Variants in SCD5 observed in about 807,000 individuals in gnomAD.
The protein encoded by SCD5 is acyl-CoA-desaturase 4.
SCD5 carries 20 observed loss-of-function variants against 30.4 expected under a neutral mutation model. The ratio of observed to expected loss-of-function variants is 0.66; its 90% confidence interval spans 0.46 to 0.96. The LOEUF (loss-of-function observed/expected upper bound fraction) is 0.96. SCD5 is among the 40% of genes least tolerant of loss of function. The pLI, the probability that SCD5 is intolerant of heterozygous loss-of-function variation, is 0.00. For missense variants in SCD5, 381 were observed against 443.3 expected (o/e 0.86, Z 1.26); for synonymous variants, 173 against 176.4 (o/e 0.98, Z 0.16).
chr4:82,746,834 A>G (rs1720993899), intron 1 of SCD5, among the ~76,000 whole-genome samples: 1 of 152,128 alleles, frequency 6.6e-6, no homozygotes, highest in South Asian at 2.1e-4. Flanking sequence ...GACCCAAGCG[A>G]GAATAGGCAC....
At chr4:82,649,958 C>T (rs1323393838) in intron 3 of SCD5, among the ~76,000 whole-genome samples, 1 of 152,176 alleles carries the variant, frequency 6.6e-6, no homozygotes, top group Non-Finnish European at 1.5e-5. Context: ...CTGCCTCATC[C>T]CGGGAGACAG....
At chr4:82,763,930 CTTGATATCTACT>C (rs1235911814) in intron 1 of SCD5, among the ~76,000 whole-genome samples, 7 of 152,204 alleles carry the variant, frequency 4.6e-5, no homozygotes, top group African/African-American at 1.4e-4. Flanking sequence ...GTTATGTCCT[CTTGATATCTACT>C]TTGATATTAA....
At chr4:82,733,393 T>G (rs1296012391) in intron 1 of SCD5, among the ~76,000 whole-genome samples, 1 of 152,182 alleles carries the variant, frequency 6.6e-6, no homozygotes. Context: ...AGCTTGCTTC[T>G]CCCATGTAGT....
At chr4:82,735,411 T>C (rs563482736) in intron 1 of SCD5, among the ~76,000 whole-genome samples, 5 of 152,306 alleles carry the variant, frequency 3.3e-5, no homozygotes, top group Admixed American at 6.5e-5. Flanking sequence ...TTGCTGGGGA[T>C]AGGCTCTGGC....
chr4:82,701,699 A>G (rs1560537928), intron 2 of SCD5, among the ~76,000 whole-genome samples: 1 of 152,200 alleles, frequency 6.6e-6, no homozygotes, highest in Non-Finnish European at 1.5e-5. Context: ...AATTTAAGCT[A>G]AATCCCTTTA....
chr4:82,723,905 T>C (rs1208581059), intron 1 of SCD5, among the ~76,000 whole-genome samples: 2 of 152,160 alleles, frequency 1.3e-5, no homozygotes, highest in Non-Finnish European at 2.9e-5. Flanking sequence ...AAAAAACAAT[T>C]ATAAAAGATA....
chr4:82,654,672 T>C (rs918828102), intron 3 of SCD5, among the ~76,000 whole-genome samples: 2 of 152,102 alleles, frequency 1.3e-5, no homozygotes, highest in Non-Finnish European at 2.9e-5. Flanking sequence ...GGCAACAACA[T>C]AGATAAAGTC....
chr4:82,771,058 C>T (rs895226954), intron 1 of SCD5, among the ~76,000 whole-genome samples: 6 of 152,200 alleles, frequency 3.9e-5, no homozygotes, highest in African/African-American at 1.2e-4. Context: ...CTCAACCTGC[C>T]TGAGCTCAGG....
At chr4:82,786,151 C>T (rs1721982196) in intron 1 of SCD5, among the ~76,000 whole-genome samples, 1 of 152,132 alleles carries the variant, frequency 6.6e-6, no homozygotes, top group Admixed American at 6.5e-5. Context: ...ACAGCTGTTC[C>T]TTTCAGTTAT....
chr4:82,665,650 C>T (rs937462984), intron 3 of SCD5, among the ~76,000 whole-genome samples: 2 of 151,880 alleles, frequency 1.3e-5, no homozygotes, highest in African/African-American at 4.8e-5. Flanking sequence ...CAAACAAAAG[C>T]TGAGAATTTA....
chr4:82,677,991 C>T (rs185205257), intron 3 of SCD5, among the ~76,000 whole-genome samples: 1 of 152,138 alleles, frequency 6.6e-6, no homozygotes, highest in Non-Finnish European at 1.5e-5. Context: ...GATCCAGAGC[C>T]ATCTCTCTCC....
At chr4:82,780,627 ACTT>A (rs760932667) in intron 1 of SCD5, among the ~76,000 whole-genome samples, 1 of 152,274 alleles carries the variant, frequency 6.6e-6, no homozygotes, top group Non-Finnish European at 1.5e-5. Context: ...TGCCTGGAGA[ACTT>A]CTTTTGCTCC....
intron 1 of SCD5, among the ~76,000 whole-genome samples, chr4:82,730,617 A>T (rs1015559114): frequency 4.6e-5 from 5 of 108,314 alleles, no homozygotes; most frequent in Admixed American, 1.2e-4. Flanking sequence ...AAGGAGTCTC[A>T]CTCTGTTGCC....
chr4:82,658,467 C>CTT (rs33912415), intron 3 of SCD5, among the ~76,000 whole-genome samples: 63,405 of 105,488 alleles, frequency 0.6, 20,898 homozygotes, highest in Admixed American at 0.64. Flanking sequence ...GGTGGATAAG[C>CTT]TTTTTTTTTT....
chr4:82,632,215 G>A (rs1367370173), intron 4 of SCD5, among the ~76,000 whole-genome samples: 3 of 137,890 alleles, frequency 2.2e-5, no homozygotes, highest in South Asian at 2.4e-4. Flanking sequence ...GCCCCGGTGT[G>A]TGATGTTCCC....
intron 2 of SCD5, among the ~76,000 whole-genome samples, chr4:82,703,408 G>A (rs1719899845): frequency 6.6e-6 from 1 of 152,142 alleles, no homozygotes; most frequent in Non-Finnish European, 1.5e-5. Flanking sequence ...GCTACTATAA[G>A]CTTGGTACTT....
At chr4:82,748,072 G>T (rs1209533835) in intron 1 of SCD5, among the ~76,000 whole-genome samples, 2 of 152,204 alleles carry the variant, frequency 1.3e-5, no homozygotes, top group Non-Finnish European at 2.9e-5. Context: ...GCTGTATGAA[G>T]CAGTAGTCCC....
chr4:82,644,830 A>G (rs1249795090), intron 3 of SCD5, among the ~76,000 whole-genome samples: 3 of 152,206 alleles, frequency 2.0e-5, no homozygotes, highest in Non-Finnish European at 4.4e-5. Flanking sequence ...AGTTTAAATG[A>G]ACAATTTCTG....
At chr4:82,712,635 A>G (rs1720136965) in intron 1 of SCD5, among the ~76,000 whole-genome samples, 1 of 151,946 alleles carries the variant, frequency 6.6e-6, no homozygotes, top group Non-Finnish European at 1.5e-5. Flanking sequence ...ATTTCTAAAG[A>G]GCTTGTGGCA....
Sources: gnomAD v4.1 joint callset for allele counts (sites outside exome capture counted in the v4.1 genomes callset) on GRCh38, gnomAD v4.1.1 for gene constraint, MANE v1.5 for transcripts, NCBI Gene and HGNC (gene_info 2026-07-23, HGNC 2026-07-21) for gene names.